The following MDGA2 variants were observed in gnomAD, a reference collection of about 807,000 sequenced individuals.
MDGA2 encodes the protein MAM domain-containing glycosylphosphatidylinositol anchor protein 2.
MDGA2 carries 40 observed loss-of-function variants against 117.8 expected under a neutral mutation model. The ratio of observed to expected loss-of-function variants is 0.34; its 90% CI spans 0.26 to 0.44. The LOEUF (loss-of-function observed/expected upper bound fraction) is 0.44, where lower values mean the gene tolerates loss of function less well. Ranked by LOEUF, MDGA2 falls within the 20% of genes least tolerant of loss-of-function variation. The probability of loss-of-function intolerance (pLI) is 1.00; values close to 1 mark genes in which losing one functional copy is unlikely to be tolerated. For synonymous variants in MDGA2, 452 were observed against 439.0 expected, an observed-to-expected ratio of 1.03 and a Z score of -0.37; for missense variants, 1,123 against 1,250.6, an observed-to-expected ratio of 0.90 and a Z score of 1.54.
intron 1 of MDGA2, among the ~76,000 whole-genome samples, chr14:47,582,137 T>G (rs1453062706): frequency 6.6e-6 from 1 of 151,886 alleles, no homozygotes; most frequent in Non-Finnish European, 1.5e-5. Flanking sequence ...AGCTATGGTG[T>G]TGTTGTTTTT....
At chr14:47,470,575 T>C (rs1291554502) in intron 1 of MDGA2, among the ~76,000 whole-genome samples, 1 of 151,992 alleles carries the variant, frequency 6.6e-6, no homozygotes, top group African/African-American at 2.4e-5. Context: ...ACAATAAACA[T>C]ATGTGTGCAT....
At chr14:47,286,583 T>C (rs1239947571) in intron 2 of MDGA2, among the ~76,000 whole-genome samples, 2 of 151,920 alleles carry the variant, frequency 1.3e-5, no homozygotes, top group Admixed American at 6.6e-5. Context: ...TGTGGTGGAA[T>C]AACATTCCAT....
intron 3 of MDGA2, among the ~76,000 whole-genome samples, chr14:47,198,354 C>T (rs1370154835): frequency 6.6e-6 from 1 of 152,168 alleles, no homozygotes; most frequent in Non-Finnish European, 1.5e-5. Context: ...GGGCAGATCA[C>T]GAGGTCAGGA....
intron 8 of MDGA2, among the ~76,000 whole-genome samples, chr14:47,001,497 T>C (rs192359006): frequency 6.6e-6 from 1 of 152,110 alleles, no homozygotes; most frequent in East Asian, 1.9e-4. Context: ...GTTACTAACA[T>C]GGTAGAAAGA....
intron 8 of MDGA2, among the ~76,000 whole-genome samples, chr14:46,960,953 C>T (rs556217448): frequency 3.6e-4 from 31 of 86,566 alleles, no homozygotes; most frequent in South Asian, 2.5e-3. Flanking sequence ...TATATATACA[C>T]ACACACACAC....
In MDGA2 at chr14:47,354,848, G is replaced by A. The variant is rs555544437; in HGVS notation, c.281-53298C>T. 6.6e-5 allele frequency among the ~76,000 whole-genome samples: 10 copies of A among 151,846 alleles called. No individual in the cohort carries two copies. The East Asian group carries it at 1.7e-3, about 26-fold the overall frequency. ...AACAAACAGTGAAATTAACTGTGAA[G>A]ATAATTTTTTTTTTCCAAAAAGATG... On this transcript the variant is annotated intron_variant, in intron 1 of 16. Coordinates refer to ENST00000399232, the MANE Select transcript of MDGA2 (RefSeq NM_001113498.3).
chr14:47,673,420 A>G (rs1347266983), intron 1 of MDGA2, among the ~76,000 whole-genome samples: 1 of 152,110 alleles, frequency 6.6e-6, no homozygotes, highest in East Asian at 1.9e-4. Context: ...ACCAAGGGCA[A>G]GTGGGCTGGA....
chr14:46,973,870 T>C (rs1321619440), intron 8 of MDGA2, among the ~76,000 whole-genome samples: 2 of 150,228 alleles, frequency 1.3e-5, no homozygotes, highest in Non-Finnish European at 3.0e-5. Flanking sequence ...ACATACTAAA[T>C]CAGTTGCATT....
In MDGA2 at chr14:47,266,632, C is replaced by G. The variant is rs571034736; in HGVS notation, c.420+34779G>C. On this transcript the variant is annotated intron_variant, in intron 2 of 16. Transcript: ENST00000399232. ...TAGATTTTCCTCAGCTCTTCAGGAT[C>G]TGTTCCCTATAATCTCTTCAGTCTC... 2.2e-4 allele frequency among the ~76,000 whole-genome samples: 33 copies of G among 152,304 alleles called. No homozygotes were observed. The South Asian group carries it at 6.4e-3, about 30-fold the overall frequency.
At chr14:47,454,641 T>A (rs1893310336) in intron 1 of MDGA2, among the ~76,000 whole-genome samples, 1 of 152,210 alleles carries the variant, frequency 6.6e-6, no homozygotes, top group African/African-American at 2.4e-5. Flanking sequence ...TATAATAATT[T>A]CTCAGGTTTA....
chr14:47,497,730 TAATAATAA>T (rs1432448072), intron 1 of MDGA2, among the ~76,000 whole-genome samples: 4 of 152,196 alleles, frequency 2.6e-5, no homozygotes, highest in African/African-American at 9.6e-5. Flanking sequence ...TAAAGTAACA[TAATAATAA>T]AATTTAAAAA....
chr14:47,212,097 G>A (rs2139484497), intron 3 of MDGA2, among the ~76,000 whole-genome samples: 1 of 152,210 alleles, frequency 6.6e-6, no homozygotes, highest in Admixed American at 6.5e-5. Flanking sequence ...CAACATGTAA[G>A]AAAATTGTAG....
At chr14:47,529,491 C>G (rs1038894748) in intron 1 of MDGA2, among the ~76,000 whole-genome samples, 1 of 151,744 alleles carries the variant, frequency 6.6e-6, no homozygotes, top group Non-Finnish European at 1.5e-5. Context: ...TACAAACAAT[C>G]CAATTATATA....
chr14:47,644,495 G>C (rs1897488484), intron 1 of MDGA2, among the ~76,000 whole-genome samples: 1 of 152,064 alleles, frequency 6.6e-6, no homozygotes, highest in Non-Finnish European at 1.5e-5. Flanking sequence ...CTCATATGTG[G>C]GATCTAAAAA....
chr14:47,147,439 C>CT (rs1038439616), intron 3 of MDGA2, among the ~76,000 whole-genome samples: 1 of 152,160 alleles, frequency 6.6e-6, no homozygotes, highest in Non-Finnish European at 1.5e-5. Context: ...GCAGAACTCT[C>CT]TGAGCTGTGA....
At chr14:46,848,260 G>A (rs1019649664) in intron 15 of MDGA2, among the ~76,000 whole-genome samples, 6 of 151,890 alleles carry the variant, frequency 4.0e-5, no homozygotes, top group East Asian at 3.9e-4. Context: ...TGCAGTACAT[G>A]GATTTCCTAT....
At chr14:47,552,080 G>A (rs1678875429) in intron 1 of MDGA2, among the ~76,000 whole-genome samples, 1 of 152,112 alleles carries the variant, frequency 6.6e-6, no homozygotes, top group African/African-American at 2.4e-5. Context: ...AACTTTTCTA[G>A]TTTTCTTTCC....
chr14:47,170,097 C>T (rs1884058229), intron 3 of MDGA2, among the ~76,000 whole-genome samples: 1 of 152,092 alleles, frequency 6.6e-6, no homozygotes, highest in Non-Finnish European at 1.5e-5. Flanking sequence ...CATACATGAA[C>T]ACAGAGCTCT....
At chr14:47,512,461 G>A (rs1894661867) in intron 1 of MDGA2, among the ~76,000 whole-genome samples, 1 of 151,978 alleles carries the variant, frequency 6.6e-6, no homozygotes, top group Non-Finnish European at 1.5e-5. Context: ...CCAGAGTTGG[G>A]GGACTATAAA....
Sources: allele counts gnomAD v4.1 joint callset (sites outside exome capture counted in the v4.1 genomes callset), GRCh38; gene constraint gnomAD v4.1.1; transcripts MANE v1.5; gene names NCBI Gene and HGNC (gene_info 2026-07-23, HGNC 2026-07-21).